Variants in DGKB observed in about 807,000 individuals in gnomAD.
DGKB encodes the protein diacylglycerol kinase beta, also known as 90 kDa diacylglycerol kinase.
In DGKB, 67 loss-of-function variants were observed where a neutral mutation model predicts 114.3. That is an observed-to-expected ratio of 0.59 (90% CI 0.48 to 0.72). The LOEUF is 0.72. Ranked by LOEUF, DGKB falls within the 30% of genes least tolerant of loss-of-function variation. The pLI is 0.00. For synonymous variants in DGKB, 398 were observed against 323.1 expected (o/e 1.23, Z -2.49); for missense variants, 907 against 975.2 (o/e 0.93, Z 0.93).
intron 1 of DGKB, among the ~76,000 whole-genome samples, chr7:14,951,587 C>T (rs958009511): frequency 1.4e-4 from 21 of 151,860 alleles, no homozygotes; most frequent in African/African-American, 5.1e-4. Context: ...ATAGTGAATA[C>T]ATATCATTAT....
chr7:14,834,894 G>T (rs1846939719), intron 2 of DGKB, among the ~76,000 whole-genome samples: 1 of 152,112 alleles, frequency 6.6e-6, no homozygotes, highest in Non-Finnish European at 1.5e-5. Flanking sequence ...AATTATGGGA[G>T]TTTAGACGTT....
At chr7:14,575,686 ATC>A (rs1220518447) in intron 19 of DGKB, among the ~76,000 whole-genome samples, 1 of 152,178 alleles carries the variant, frequency 6.6e-6, no homozygotes, top group Non-Finnish European at 1.5e-5. Flanking sequence ...AAGTTAAATC[ATC>A]TCTCTTTTCA....
At chr7:14,470,224 C>A (rs1434574623) in intron 21 of DGKB, among the ~76,000 whole-genome samples, 2 of 151,868 alleles carry the variant, frequency 1.3e-5, no homozygotes, top group African/African-American at 4.8e-5. Context: ...CACAACACCA[C>A]TATTTCTAAT....
intron 4 of DGKB, among the ~76,000 whole-genome samples, chr7:14,747,957 A>G (rs1485387697): frequency 6.6e-6 from 1 of 152,196 alleles, no homozygotes; most frequent in Non-Finnish European, 1.5e-5. Flanking sequence ...GCACATTTCT[A>G]TATGCCTTTC....
intron 23 of DGKB, among the ~76,000 whole-genome samples, chr7:14,257,637 T>G (rs1197590240): frequency 6.6e-6 from 1 of 152,188 alleles, no homozygotes; most frequent in Non-Finnish European, 1.5e-5. Flanking sequence ...TTCTCTTTCC[T>G]GCACCCCTGT....
At chr7:14,361,610 T>C (rs10232313) in intron 21 of DGKB, among the ~76,000 whole-genome samples, 13,284 of 151,952 alleles carry the variant, frequency 0.087, 1,024 homozygotes, top group African/African-American at 0.21. Flanking sequence ...GATTAATCAT[T>C]TTGCCAGTAC....
At chr7:14,854,365 T>C (rs1849817790) in intron 1 of DGKB, among the ~76,000 whole-genome samples, 1 of 152,166 alleles carries the variant, frequency 6.6e-6, no homozygotes, top group South Asian at 2.1e-4. Context: ...ACAACGTTTA[T>C]TATAGTAGAT....
intron 2 of DGKB, among the ~76,000 whole-genome samples, chr7:14,772,135 A>G (rs185500968): frequency 6.6e-6 from 1 of 152,190 alleles, no homozygotes; most frequent in African/African-American, 2.4e-5. Context: ...TGCCTCCCTA[A>G]AAATATATAA....
chr7:14,600,471 TA>T (rs1375460484), intron 17 of DGKB, among the ~76,000 whole-genome samples: 3 of 152,066 alleles, frequency 2.0e-5, no homozygotes, highest in African/African-American at 7.2e-5. Flanking sequence ...CAGCATCAAC[TA>T]AAAAGTCTAA....
chr7:14,821,218 C>A (rs1326784870), intron 2 of DGKB, among the ~76,000 whole-genome samples: 3 of 152,042 alleles, frequency 2.0e-5, no homozygotes, highest in African/African-American at 4.8e-5. Flanking sequence ...GCTATTTTTT[C>A]TATTTACCCT....
At chr7:14,533,004 A>C (rs1791849842) in intron 20 of DGKB, among the ~76,000 whole-genome samples, 1 of 151,836 alleles carries the variant, frequency 6.6e-6, no homozygotes. Flanking sequence ...TACTAAAGGA[A>C]ACTAATAAAA....
rs796376534 is a variant in DGKB at position 14,527,196 on chromosome 7, G to A, written c.1770+47016C>T. ...TATAATTGAAAAGTCATTAAAGCAA[G>A]TTACTTAAATGATTTGCCAAGGATA... On this transcript the variant is annotated intron_variant, in intron 20 of 25. Transcript: ENST00000402815. Among the ~76,000 whole-genome samples the A allele has an allele frequency of 5.3e-5, 8 of 152,016 alleles. No homozygotes were observed. In the South Asian group the frequency reaches 1.7e-3, roughly 31 times the overall value.
intron 20 of DGKB, among the ~76,000 whole-genome samples, chr7:14,564,039 C>A (rs1201595572): frequency 2.0e-5 from 3 of 152,172 alleles, no homozygotes; most frequent in Non-Finnish European, 2.9e-5. Context: ...GCTCTTTGGG[C>A]AGCCCTGGAG....
chr7:14,589,955 T>C (rs1260099154), intron 17 of DGKB, among the ~76,000 whole-genome samples: 1 of 150,880 alleles, frequency 6.6e-6, no homozygotes, highest in Non-Finnish European at 1.5e-5. Flanking sequence ...GAAGAATTTG[T>C]ATAATTATTG....
intron 23 of DGKB, among the ~76,000 whole-genome samples, chr7:14,330,907 T>A (rs989075522): frequency 1.3e-5 from 2 of 152,022 alleles, no homozygotes; most frequent in African/African-American, 2.4e-5. Context: ...TCTTATATAT[T>A]GAAAATTTTT....
chr7:14,170,957 A>G (rs1256957492), intron 25 of DGKB, among the ~76,000 whole-genome samples: 2 of 152,160 alleles, frequency 1.3e-5, no homozygotes, highest in African/African-American at 4.8e-5. Flanking sequence ...GTCAGAAAAT[A>G]GCATCTCATG....
chr7:14,374,551 T>C (rs1026823459), intron 21 of DGKB, among the ~76,000 whole-genome samples: 5 of 152,164 alleles, frequency 3.3e-5, no homozygotes, highest in African/African-American at 1.2e-4. Context: ...CACATTCTGA[T>C]AAAAAGCCTT....
At chr7:14,736,634 T>G (rs369443282) in intron 4 of DGKB, among the ~76,000 whole-genome samples, 3 of 152,334 alleles carry the variant, frequency 2.0e-5, no homozygotes, top group African/African-American at 7.2e-5. Context: ...CCATATTTTT[T>G]GCTTGTCACT....
At chr7:14,309,218 A>C (rs1804971064) in intron 23 of DGKB, among the ~76,000 whole-genome samples, 1 of 152,168 alleles carries the variant, frequency 6.6e-6, no homozygotes, top group Non-Finnish European at 1.5e-5. Flanking sequence ...CCTGTCTCAA[A>C]AGAAAAAAAA....
Sources: gnomAD v4.1 joint callset for allele counts (sites outside exome capture counted in the v4.1 genomes callset) on GRCh38, gnomAD v4.1.1 for gene constraint, MANE v1.5 for transcripts, NCBI Gene and HGNC (gene_info 2026-07-23, HGNC 2026-07-21) for gene names.